Variants in CNKSR2 observed in about 807,000 individuals in gnomAD.
CNKSR2 encodes CNK homolog protein 2.
In CNKSR2, 14 loss-of-function variants were observed where a neutral mutation model predicts 84.4. The observed-to-expected ratio is 0.17, with a 90% CI of 0.11 to 0.26. The LOEUF is 0.26. Among genes scored for constraint, CNKSR2 ranks in the 10% least tolerant of loss-of-function variants. The pLI, the probability that CNKSR2 is intolerant of heterozygous loss-of-function variation, is 1.00. For missense variants in CNKSR2, 485 were observed against 771.2 expected (o/e 0.63, Z 4.40); for synonymous variants, 275 against 277.9 (o/e 0.99, Z 0.10).
intron 4 of CNKSR2, among the ~76,000 whole-genome samples, chrX:21,464,820 GA>G (rs1194204924): frequency 8.9e-6 from 1 of 112,399 alleles, no homozygotes; most frequent in African/African-American, 3.2e-5. Context: ...GTTTTTGAAA[GA>G]GATTCAAAAT....
At chrX:21,383,535 A>C (rs1488198588) in intron 1 of CNKSR2, among the ~76,000 whole-genome samples, 2 of 112,536 alleles carry the variant, frequency 1.8e-5, no homozygotes, top group Admixed American at 1.9e-4. Flanking sequence ...ACTAATATCA[A>C]GTATAGCATA....
intron 11 of CNKSR2, among the ~76,000 whole-genome samples, chrX:21,543,624 G>A (rs2091995810): frequency 8.9e-6 from 1 of 111,754 alleles, no homozygotes; most frequent in Non-Finnish European, 1.9e-5. Context: ...GAATTATGAG[G>A]TCAAATAGAC....
chrX:21,414,286 C>T (rs2090386500), intron 1 of CNKSR2, among the ~76,000 whole-genome samples: 1 of 111,419 alleles, frequency 9.0e-6, no homozygotes, highest in African/African-American at 3.3e-5. Flanking sequence ...GATGCTATCT[C>T]ATTGTAGTTT....
At chrX:21,580,000 A>G (rs1256842482) in intron 13 of CNKSR2, among the ~76,000 whole-genome samples, 1 of 112,225 alleles carries the variant, frequency 8.9e-6, no homozygotes, top group Non-Finnish European at 1.9e-5. Context: ...AGAGAGGACT[A>G]TGAAAAATGC....
chrX:21,430,083 G>A (rs900615010), intron 2 of CNKSR2, among the ~76,000 whole-genome samples: 2 of 110,638 alleles, frequency 1.8e-5, no homozygotes, highest in African/African-American at 6.6e-5. Context: ...ATTAACTAGA[G>A]CAAGTTTTAA....
intron 1 of CNKSR2, among the ~76,000 whole-genome samples, chrX:21,421,392 C>T (rs1319384318): frequency 9.4e-6 from 1 of 105,953 alleles, no homozygotes; most frequent in African/African-American, 3.5e-5. Flanking sequence ...TATGAGGGTG[C>T]TTTTTTGTGT....
chrX:21,407,747 G>A (rs1191335043), intron 1 of CNKSR2, among the ~76,000 whole-genome samples: 1 of 111,472 alleles, frequency 9.0e-6, no homozygotes, highest in Non-Finnish European at 1.9e-5. Context: ...TTGTTCATAA[G>A]TAAAGTGTAT....
intron 12 of CNKSR2, among the ~76,000 whole-genome samples, chrX:21,561,820 A>G (rs1268384189): frequency 7.2e-5 from 8 of 110,730 alleles, no homozygotes; most frequent in Admixed American, 6.7e-4. Flanking sequence ...TTGAAAGGTA[A>G]TATTTGGAAC....
intron 13 of CNKSR2, among the ~76,000 whole-genome samples, chrX:21,585,409 G>T (rs1469810077): frequency 9.3e-6 from 1 of 107,799 alleles, no homozygotes; most frequent in Non-Finnish European, 1.9e-5. Flanking sequence ...GACCAGGGTG[G>T]TAATAATAGA....
chrX:21,443,765 C>A (rs2147091013), intron 4 of CNKSR2, among the ~76,000 whole-genome samples: 1 of 111,263 alleles, frequency 9.0e-6, no homozygotes, highest in South Asian at 3.7e-4. Flanking sequence ...TTACTTTGTT[C>A]CATATTTACC....
intron 1 of CNKSR2, among the ~76,000 whole-genome samples, chrX:21,408,591 C>T (rs1360350690): frequency 9.0e-6 from 1 of 110,969 alleles, no homozygotes; most frequent in African/African-American, 3.3e-5. Flanking sequence ...TCTAACCTCC[C>T]CCAACCTCCA....
chrX:21,470,168 C>T (rs968103262), intron 4 of CNKSR2, among the ~76,000 whole-genome samples: 10 of 111,387 alleles, frequency 9.0e-5, no homozygotes, highest in Admixed American at 9.5e-5. Flanking sequence ...AAAGAAAAGA[C>T]CATGGTGGTT....
intron 4 of CNKSR2, among the ~76,000 whole-genome samples, chrX:21,457,717 T>A (rs1399898235): frequency 1.8e-5 from 2 of 111,789 alleles, no homozygotes; most frequent in African/African-American, 6.5e-5. Context: ...ACACTGCAAG[T>A]ACAGAATTAT....
chrX:21,461,322 G>T (rs1022929544), intron 4 of CNKSR2, among the ~76,000 whole-genome samples: 1 of 112,120 alleles, frequency 8.9e-6, no homozygotes, highest in Non-Finnish European at 1.9e-5. Flanking sequence ...ATGGCCATTT[G>T]TATGTCTTCT....
At chrX:21,482,899 G>C (rs754335288) in intron 5 of CNKSR2, among the ~76,000 whole-genome samples, 1 of 111,460 alleles carries the variant, frequency 9.0e-6, no homozygotes, top group Non-Finnish European at 1.9e-5. Flanking sequence ...AGTTTTCCAG[G>C]CCTTATTGGG....
At chrX:21,613,570 C>T (rs974309337) in intron 20 of CNKSR2, among the ~76,000 whole-genome samples, 2 of 112,401 alleles carry the variant, frequency 1.8e-5, no homozygotes, top group Non-Finnish European at 3.8e-5. Flanking sequence ...AGCCACTGTA[C>T]ACATTAGATT....
intron 20 of CNKSR2, among the ~76,000 whole-genome samples, chrX:21,625,277 A>G (rs1444418812): frequency 1.8e-5 from 2 of 112,502 alleles, no homozygotes; most frequent in Non-Finnish European, 3.8e-5. Flanking sequence ...ATGTTAAAAC[A>G]GTAACTAATG....
chrX:21,520,286 C>G (rs1166116929), intron 9 of CNKSR2, among the ~76,000 whole-genome samples: 1 of 110,765 alleles, frequency 9.0e-6, no homozygotes, highest in Non-Finnish European at 1.9e-5. Flanking sequence ...AGCTTTAATT[C>G]TGTTGTCATT....
At chrX:21,586,469 G>A (rs1201331085) in intron 13 of CNKSR2, among the ~76,000 whole-genome samples, 1 of 111,561 alleles carries the variant, frequency 9.0e-6, no homozygotes, top group African/African-American at 3.3e-5. Flanking sequence ...AGGAATGGAG[G>A]CAGAGACAGC....
Sources: allele counts gnomAD v4.1 joint callset (sites outside exome capture counted in the v4.1 genomes callset), GRCh38; gene constraint gnomAD v4.1.1; transcripts MANE v1.5; gene names NCBI Gene and HGNC (gene_info 2026-07-23, HGNC 2026-07-21).